DPH6: variants seen among roughly 807,000 people sequenced by gnomAD.
The protein encoded by DPH6 is diphthine--ammonia ligase.
DPH6 carries 33 observed loss-of-function variants against 38.2 expected under a neutral mutation model. The ratio of observed to expected loss-of-function variants is 0.86; its 90% confidence interval spans 0.65 to 1.15. DPH6 has a LOEUF of 1.15. Ranked by LOEUF, DPH6 falls within the 50% of genes most tolerant of loss-of-function variation. The pLI is 0.00. For synonymous variants in DPH6, 108 were observed against 103.0 expected (o/e 1.05, Z -0.30); for missense variants, 325 against 320.0 (o/e 1.02, Z -0.12).
intron 3 of DPH6, among the ~76,000 whole-genome samples, chr15:35,350,594 C>A (rs1267464237): frequency 2.0e-5 from 3 of 152,104 alleles, no homozygotes; most frequent in African/African-American, 2.4e-5. Flanking sequence ...CCTCTTAGAG[C>A]TGCTTTTGCT....
intron 3 of DPH6, among the ~76,000 whole-genome samples, chr15:35,361,563 T>A (rs2052614870): frequency 6.6e-6 from 1 of 151,958 alleles, no homozygotes; most frequent in East Asian, 1.9e-4. Context: ...CTGTATAGAT[T>A]GGTCTGCTTG....
chr15:35,297,087 C>T (rs1387700277), intron 3 of DPH6, among the ~76,000 whole-genome samples: 1 of 152,190 alleles, frequency 6.6e-6, no homozygotes, highest in Non-Finnish European at 1.5e-5. Flanking sequence ...CAAGTTCCAA[C>T]CTATCTTGCC....
chr15:35,380,195 G>A (rs916260350), intron 7 of DPH6, among the ~76,000 whole-genome samples: 2 of 152,168 alleles, frequency 1.3e-5, no homozygotes, highest in African/African-American at 4.8e-5. Flanking sequence ...GAGCAGGGCA[G>A]CAACTTGCAG....
chr15:35,402,702 C>G (rs920002420), intron 6 of DPH6, among the ~76,000 whole-genome samples: 1 of 151,944 alleles, frequency 6.6e-6, no homozygotes, highest in Non-Finnish European at 1.5e-5. Flanking sequence ...GAAACAATGG[C>G]TAAAATTATT....
At chr15:35,525,390 C>G (rs2054984233) in intron 3 of DPH6, among the ~76,000 whole-genome samples, 1 of 152,088 alleles carries the variant, frequency 6.6e-6, no homozygotes, top group African/African-American at 2.4e-5. Context: ...TTAATGTCTT[C>G]CTTGAGAAAT....
At chr15:35,267,578 T>C (rs924190171) in intron 3 of DPH6, among the ~76,000 whole-genome samples, 6 of 152,346 alleles carry the variant, frequency 3.9e-5, no homozygotes, top group African/African-American at 7.2e-5. Context: ...TTTGTGGCAA[T>C]ATCTGGCTTT....
intron 3 of DPH6, among the ~76,000 whole-genome samples, chr15:35,510,158 A>T (rs1281239574): frequency 6.6e-6 from 1 of 152,186 alleles, no homozygotes; most frequent in Non-Finnish European, 1.5e-5. Context: ...GGCTGCAGTG[A>T]ACTGTGATGG....
chr15:35,177,026 T>C, the DPH6 span, among the ~76,000 whole-genome samples: 1 of 152,208 alleles, frequency 6.6e-6, no homozygotes, highest in African/African-American at 2.4e-5. Flanking sequence ...GAATTGATTG[T>C]ATTTGTATTT....
rs186622864 is a variant in DPH6, at chr15:35,299,039, C to T, written n.200+74482G>A. The T allele has an allele frequency of 2.5e-3, 1,790 of 718,996 alleles. 31 individuals are homozygous for T. The highest frequency in any genetic ancestry group is 9.7e-4 in the East Asian group (39 of 40,148). 44.5% of individuals were successfully genotyped at this position (718,996 alleles called of 1,614,324 possible). ...CACGTGCATCATGTCTGTATTTATGCCTTTCTTCTCTTTCTTCTATTTCTT... is the reference window on the plus strand; with the variant it reads ...CACGTGCATCATGTCTGTATTTATGTCTTTCTTCTCTTTCTTCTATTTCTT... On this transcript the variant is annotated intron_variant and non_coding_transcript_variant, in intron 3 of 3. Coordinates refer to the DPH6 transcript ENST00000560386.
intron 3 of DPH6, among the ~76,000 whole-genome samples, chr15:35,529,135 G>A (rs1468714352): frequency 3.3e-5 from 5 of 152,044 alleles, no homozygotes; most frequent in Admixed American, 3.3e-4. Flanking sequence ...AATCTTCAAG[G>A]ATATTGTATT....
the DPH6 span, among the ~76,000 whole-genome samples, chr15:35,157,115 A>G: frequency 3.9e-5 from 6 of 152,274 alleles, no homozygotes; most frequent in South Asian, 1.2e-3. Context: ...GTGAATGCAG[A>G]TTGTTAGGCC....
At chr15:35,348,045 A>T (rs1325438131) in intron 3 of DPH6, among the ~76,000 whole-genome samples, 3 of 152,148 alleles carry the variant, frequency 2.0e-5, no homozygotes, top group Non-Finnish European at 4.4e-5. Flanking sequence ...ATTCTGGAAT[A>T]TTAACCCCTT....
At chr15:35,347,113 A>G (rs2052468360) in intron 3 of DPH6, among the ~76,000 whole-genome samples, 1 of 152,066 alleles carries the variant, frequency 6.6e-6, no homozygotes, top group Non-Finnish European at 1.5e-5. Flanking sequence ...CTTTTGCAAA[A>G]CTGAAACTCT....
At chr15:35,393,346 C>A (rs576396651) in intron 6 of DPH6, among the ~76,000 whole-genome samples, 62 of 152,154 alleles carry the variant, frequency 4.1e-4, no homozygotes, top group African/African-American at 1.4e-3. Context: ...GGTTGAGGAA[C>A]TTATGACAAA....
intron 3 of DPH6, among the ~76,000 whole-genome samples, chr15:35,313,306 C>T (rs1416994732): frequency 6.7e-6 from 1 of 149,746 alleles, no homozygotes; most frequent in East Asian, 1.9e-4. Context: ...CTCAGGATTG[C>T]TTCGGCCACT....
rs552913874 is a variant in DPH6 at position 35,314,958 on chromosome 15, G to A, written n.200+58563C>T. On this transcript the variant is annotated intron_variant and non_coding_transcript_variant, in intron 3 of 3. Coordinates refer to the DPH6 transcript ENST00000560386. Reference sequence around the variant, plus strand: ...CAAACTTGCACCAAAAAAAGGTCACGGTCATTGTTTGGTGGTCTGCTGCTG... The same window carrying A: ...CAAACTTGCACCAAAAAAAGGTCACAGTCATTGTTTGGTGGTCTGCTGCTG... Among the ~76,000 whole-genome samples the A allele has an allele frequency of 4.6e-5, 7 of 152,096 alleles. No homozygotes were observed. In the East Asian group the frequency reaches 9.7e-4, roughly 21 times the overall value.
chr15:35,212,293 T>C, the DPH6 span, among the ~76,000 whole-genome samples: 70 of 152,272 alleles, frequency 4.6e-4, 1 homozygote, highest in Middle Eastern at 3.4e-3. Context: ...GAGTTTAGAA[T>C]GAAAACTCTT....
At chr15:35,355,474 A>T (rs1349470395) in intron 3 of DPH6, among the ~76,000 whole-genome samples, 1 of 152,188 alleles carries the variant, frequency 6.6e-6, no homozygotes, top group Non-Finnish European at 1.5e-5. Flanking sequence ...CTTTTAGGGC[A>T]GACCTGGTGG....
At chr15:35,310,388 T>C (rs1457215860) in intron 3 of DPH6, among the ~76,000 whole-genome samples, 2 of 152,138 alleles carry the variant, frequency 1.3e-5, no homozygotes, top group Non-Finnish European at 2.9e-5. Context: ...AGTCCAGCCT[T>C]GCATGCTCTG....
Sources: gnomAD v4.1 joint callset for allele counts (sites outside exome capture counted in the v4.1 genomes callset) on GRCh38, gnomAD v4.1.1 for gene constraint, MANE v1.5 for transcripts, NCBI Gene and HGNC (gene_info 2026-07-23, HGNC 2026-07-21) for gene names.